Variants in DCLK1 observed in about 807,000 individuals in gnomAD.
DCLK1 encodes serine/threonine-protein kinase DCLK1.
A neutral mutation model predicts 86.2 loss-of-function variants in DCLK1; 16 were observed. That is an observed-to-expected ratio of 0.19 (90% CI 0.13 to 0.28). The LOEUF (loss-of-function observed/expected upper bound fraction) is 0.28. Among genes scored for constraint, DCLK1 ranks in the 10% least tolerant of loss-of-function variants. The probability of loss-of-function intolerance (pLI) is 1.00; values close to 1 mark genes in which losing one functional copy is unlikely to be tolerated. For synonymous variants in DCLK1, 369 were observed against 370.5 expected, an observed-to-expected ratio of 1.00 and a Z score of 0.05; for missense variants, 590 against 940.2, an observed-to-expected ratio of 0.63 and a Z score of 4.87.
intron 4 of DCLK1, among the ~76,000 whole-genome samples, chr13:35,913,706 C>T (rs534919354): frequency 3.3e-5 from 5 of 149,732 alleles, no homozygotes; most frequent in African/African-American, 1.3e-4. Flanking sequence ...ATTCATTGTT[C>T]CTAAGTGTTT....
chr13:36,026,515 T>G (rs1882040009), intron 3 of DCLK1, among the ~76,000 whole-genome samples: 1 of 152,212 alleles, frequency 6.6e-6, no homozygotes, highest in African/African-American at 2.4e-5. Flanking sequence ...CTTTCAAAAC[T>G]GGATATATCT....
intron 11 of DCLK1, among the ~76,000 whole-genome samples, chr13:35,819,004 T>A (rs1203968338): frequency 2.0e-5 from 3 of 152,044 alleles, no homozygotes; most frequent in Non-Finnish European, 2.9e-5. Context: ...CAGTTGGGAA[T>A]GTTTTGGGCT....
At chr13:35,921,380 C>T (rs191569790) in intron 4 of DCLK1, among the ~76,000 whole-genome samples, 7 of 152,140 alleles carry the variant, frequency 4.6e-5, no homozygotes, top group African/African-American at 1.7e-4. Context: ...CTCACCCCTA[C>T]ATACCCATGG....
intron 4 of DCLK1, among the ~76,000 whole-genome samples, chr13:35,915,299 C>CA (rs1875340945): frequency 6.6e-6 from 1 of 152,176 alleles, no homozygotes; most frequent in Non-Finnish European, 1.5e-5. Flanking sequence ...AGTGTTGTAA[C>CA]ACGGAGGGGG....
intron 3 of DCLK1, among the ~76,000 whole-genome samples, chr13:36,003,694 T>C (rs1880823089): frequency 6.6e-6 from 1 of 152,148 alleles, no homozygotes; most frequent in Non-Finnish European, 1.5e-5. Flanking sequence ...ACACAATATA[T>C]GGATAAGTCA....
intron 3 of DCLK1, among the ~76,000 whole-genome samples, chr13:36,060,245 T>C (rs1030624510): frequency 2.0e-5 from 3 of 152,206 alleles, no homozygotes; most frequent in Admixed American, 1.3e-4. Flanking sequence ...GTGTTTTTGG[T>C]CTAAATTCCA....
intron 3 of DCLK1, among the ~76,000 whole-genome samples, chr13:35,997,676 G>A (rs987102877): frequency 2.0e-5 from 3 of 152,124 alleles, no homozygotes; most frequent in African/African-American, 7.2e-5. Flanking sequence ...CATGAAACTT[G>A]CAATGTAATA....
In DCLK1 at chr13:35,836,680, G is replaced by A. The variant is rs78781110; in HGVS notation, c.1121-539C>T. On this transcript the variant is annotated intron_variant, in intron 7 of 16. Coordinates refer to ENST00000360631, the MANE Select transcript of DCLK1 (RefSeq NM_001330071.2). ...GGCCACCCGTCCTCGGTATCAACGA[G>A]CAGACTTTAGACAAATGTTCTCACC... Among the ~76,000 whole-genome samples the A allele has an allele frequency of 9.5e-3, 1,452 of 152,276 alleles. 11 individuals are homozygous for A. Among genetic ancestry groups the A allele is most frequent in the Non-Finnish European group, 0.013 (884 of 68,024 alleles).
chr13:36,111,114 G>A (rs113665635), intron 3 of DCLK1, among the ~76,000 whole-genome samples: 2,952 of 152,066 alleles, frequency 0.019, 109 homozygotes, highest in African/African-American at 0.068. Flanking sequence ...GATTACAGGC[G>A]TGAGCCACCG....
intron 3 of DCLK1, among the ~76,000 whole-genome samples, chr13:35,970,484 C>T (rs1879011035): frequency 6.6e-6 from 1 of 152,180 alleles, no homozygotes; most frequent in Non-Finnish European, 1.5e-5. Context: ...GGAGGTGGGG[C>T]CTCTAAGAGG....
At chr13:35,908,160 T>C (rs1291048218) in intron 4 of DCLK1, among the ~76,000 whole-genome samples, 1 of 151,870 alleles carries the variant, frequency 6.6e-6, no homozygotes, top group Non-Finnish European at 1.5e-5. Flanking sequence ...TTTGAATTAG[T>C]TGGAGATGGA....
At chr13:35,951,270 C>CATGGATGGATGGATGG (rs113236728) in intron 3 of DCLK1, among the ~76,000 whole-genome samples, 1 of 145,296 alleles carries the variant, frequency 6.9e-6, no homozygotes, top group Non-Finnish European at 1.5e-5. Context: ...TGGATGGATG[C>CATGGATGGATGGATGG]ATGGATGGAT....
intron 3 of DCLK1, among the ~76,000 whole-genome samples, chr13:36,090,112 G>A (rs1200384786): frequency 2.0e-4 from 30 of 152,194 alleles, no homozygotes; most frequent in Non-Finnish European, 5.9e-5. Context: ...TTAGAGTGGG[G>A]TGACATAACA....
intron 3 of DCLK1, among the ~76,000 whole-genome samples, chr13:36,036,531 A>G (rs1001158235): frequency 1.3e-5 from 2 of 152,160 alleles, no homozygotes; most frequent in East Asian, 3.9e-4. Context: ...ACACTAGACC[A>G]CCATTTACTA....
chr13:36,045,463 C>CA (rs1372659279), intron 3 of DCLK1, among the ~76,000 whole-genome samples: 4 of 147,618 alleles, frequency 2.7e-5, no homozygotes, highest in Non-Finnish European at 4.5e-5. Context: ...TTTTAAGAAT[C>CA]AAAAAAATCA....
At chr13:36,081,043 G>T (rs533487367) in intron 3 of DCLK1, among the ~76,000 whole-genome samples, 2,745 of 152,154 alleles carry the variant, frequency 0.018, 71 homozygotes, top group African/African-American at 0.063. Context: ...CAGAAACTCC[G>T]CTTTCAATAA....
intron 4 of DCLK1, among the ~76,000 whole-genome samples, chr13:35,943,271 T>G (rs1287350258): frequency 6.6e-6 from 1 of 152,088 alleles, no homozygotes; most frequent in Admixed American, 6.5e-5. Context: ...CATCAGAAAC[T>G]TGGAAGAGAT....
intron 10 of DCLK1, among the ~76,000 whole-genome samples, chr13:35,826,897 C>T (rs569386860): frequency 1.1e-4 from 17 of 152,154 alleles, no homozygotes; most frequent in Non-Finnish European, 1.8e-4. Flanking sequence ...GTAGACATTA[C>T]TTACACGTTC....
chr13:35,784,323 A>G (rs2086582523), intron 16 of DCLK1, among the ~76,000 whole-genome samples: 1 of 152,224 alleles, frequency 6.6e-6, no homozygotes, highest in South Asian at 2.1e-4. Context: ...AGTAAGCTAA[A>G]TTTTAAAAAG....
Sources: allele counts gnomAD v4.1 joint callset (sites outside exome capture counted in the v4.1 genomes callset), GRCh38; gene constraint gnomAD v4.1.1; transcripts MANE v1.5; gene names NCBI Gene and HGNC (gene_info 2026-07-23, HGNC 2026-07-21).